The following MDGA2 variants were observed in gnomAD, a reference collection of about 807,000 sequenced individuals.
MDGA2 encodes MAM domain-containing glycosylphosphatidylinositol anchor protein 2.
MDGA2 carries 40 observed loss-of-function variants against 117.8 expected under a neutral mutation model. The observed-to-expected ratio is 0.34, with a 90% CI of 0.26 to 0.44. The LOEUF (loss-of-function observed/expected upper bound fraction) is 0.44, where lower values mean the gene tolerates loss of function less well. Ranked by LOEUF, MDGA2 falls within the 20% of genes least tolerant of loss-of-function variation. The pLI is 1.00. For synonymous variants in MDGA2, 452 were observed against 439.0 expected, an observed-to-expected ratio of 1.03 and a Z score of -0.37; for missense variants, 1,123 against 1,250.6, an observed-to-expected ratio of 0.90 and a Z score of 1.54.
At chr14:47,591,177 A>T (rs1263679143) in intron 1 of MDGA2, among the ~76,000 whole-genome samples, 1 of 152,060 alleles carries the variant, frequency 6.6e-6, no homozygotes, top group Non-Finnish European at 1.5e-5. Context: ...CTTACGGCAA[A>T]AGAAAACCGC....
intron 8 of MDGA2, among the ~76,000 whole-genome samples, chr14:46,967,043 T>TGACAGCATGAATAA (rs1886063300): frequency 7.1e-6 from 1 of 140,218 alleles, no homozygotes. Flanking sequence ...GCAATTTTTT[T>TGACAGCATGAATAA]AATTTTAAAA....
intron 1 of MDGA2, among the ~76,000 whole-genome samples, chr14:47,352,286 C>G (rs2138350778): frequency 6.6e-6 from 1 of 152,282 alleles, no homozygotes; most frequent in Non-Finnish European, 1.5e-5. Context: ...TTCATGAAAA[C>G]ACACGTGCTC....
chr14:47,587,424 T>A (rs999281019), intron 1 of MDGA2, among the ~76,000 whole-genome samples: 2 of 151,942 alleles, frequency 1.3e-5, no homozygotes, highest in African/African-American at 4.8e-5. Context: ...GCTATTCCTG[T>A]TGGCTTCACT....
intron 3 of MDGA2, among the ~76,000 whole-genome samples, chr14:47,148,008 G>T (rs1425999563): frequency 1.3e-5 from 2 of 152,058 alleles, no homozygotes; most frequent in Non-Finnish European, 2.9e-5. Context: ...AGAATACCGA[G>T]AAATGACTCA....
intron 3 of MDGA2, among the ~76,000 whole-genome samples, chr14:47,185,906 T>A (rs1319156687): frequency 6.6e-6 from 1 of 151,524 alleles, no homozygotes; most frequent in Non-Finnish European, 1.5e-5. Flanking sequence ...AGATGACAAA[T>A]CAATGCAGAC....
At chr14:46,865,385 G>A (rs1000056521) in intron 14 of MDGA2, among the ~76,000 whole-genome samples, 16 of 151,940 alleles carry the variant, frequency 1.1e-4, no homozygotes, top group Admixed American at 9.8e-4. Flanking sequence ...TTGATGGGAC[G>A]TATCTCAAAA....
chr14:46,903,525 T>A (rs934428994), intron 10 of MDGA2, among the ~76,000 whole-genome samples: 5 of 152,202 alleles, frequency 3.3e-5, no homozygotes, highest in Admixed American at 6.5e-5. Context: ...ATACTTGACT[T>A]CAGAGAATGT....
chr14:46,994,364 A>G (rs1457099600), intron 8 of MDGA2, among the ~76,000 whole-genome samples: 1 of 152,148 alleles, frequency 6.6e-6, no homozygotes, highest in Non-Finnish European at 1.5e-5. Flanking sequence ...CAAGTTATCA[A>G]ACCTAACAGT....
intron 1 of MDGA2, among the ~76,000 whole-genome samples, chr14:47,326,535 T>C (rs1890148239): frequency 6.6e-6 from 1 of 152,136 alleles, no homozygotes; most frequent in Non-Finnish European, 1.5e-5. Flanking sequence ...AAAGTTACTT[T>C]CACCTCTTAT....
At chr14:47,068,508 T>C (rs909560388) in intron 6 of MDGA2, among the ~76,000 whole-genome samples, 1 of 151,464 alleles carries the variant, frequency 6.6e-6, no homozygotes, top group African/African-American at 2.4e-5. Flanking sequence ...ATGTAAATGG[T>C]ATCTGAATTA....
intron 8 of MDGA2, among the ~76,000 whole-genome samples, chr14:47,018,918 C>T (rs1012101778): frequency 6.6e-6 from 1 of 152,044 alleles, no homozygotes; most frequent in Non-Finnish European, 1.5e-5. Context: ...GTACACCGTC[C>T]GTCCTCTGTG....
chr14:47,007,313 G>A (rs1273499586), intron 8 of MDGA2, among the ~76,000 whole-genome samples: 1 of 151,738 alleles, frequency 6.6e-6, no homozygotes, highest in East Asian at 1.9e-4. Context: ...ATAAATTGCT[G>A]CCCTACAATT....
At chr14:47,248,727 A>C (rs964397658) in intron 2 of MDGA2, among the ~76,000 whole-genome samples, 1 of 152,174 alleles carries the variant, frequency 6.6e-6, no homozygotes, top group Non-Finnish European at 1.5e-5. Flanking sequence ...CTAGAAAACA[A>C]AAACAGTTTG....
intron 8 of MDGA2, among the ~76,000 whole-genome samples, chr14:47,010,604 G>C (rs971590478): frequency 6.6e-6 from 1 of 151,510 alleles, no homozygotes; most frequent in Non-Finnish European, 1.5e-5. Flanking sequence ...AACATTTAGG[G>C]GAGTCATTAA....
chr14:47,051,841 G>C (rs897574901), intron 7 of MDGA2, among the ~76,000 whole-genome samples: 7 of 151,834 alleles, frequency 4.6e-5, no homozygotes, highest in Non-Finnish European at 8.8e-5. Context: ...TGAATGGTAG[G>C]TTAGTAGTGT....
intron 6 of MDGA2, among the ~76,000 whole-genome samples, chr14:47,084,551 T>G (rs1890827515): frequency 6.6e-6 from 1 of 151,748 alleles, no homozygotes; most frequent in Non-Finnish European, 1.5e-5. Context: ...ATAAAAGTAA[T>G]TCAGTGTTAT....
At chr14:47,148,482 TCTATCGCTCTATTA>T (rs1339664877) in intron 3 of MDGA2, among the ~76,000 whole-genome samples, 1 of 152,160 alleles carries the variant, frequency 6.6e-6, no homozygotes, top group East Asian at 1.9e-4. Flanking sequence ...AAAAGGCCAT[TCTATCGCTCTATTA>T]AGTTGGCATT....
At chr14:47,204,420 GAAAAACTAAAATCTTCTCTGTC>G (rs1358198742) in intron 3 of MDGA2, among the ~76,000 whole-genome samples, 1 of 151,882 alleles carries the variant, frequency 6.6e-6, no homozygotes, top group African/African-American at 2.4e-5. Flanking sequence ...AAATAGAAGT[GAAAAACTAAAATCTTCTCTGTC>G]AAAAGGTTAA....
chr14:47,287,267 G>A (rs10483583), intron 2 of MDGA2, among the ~76,000 whole-genome samples: 1 of 151,858 alleles, frequency 6.6e-6, no homozygotes, highest in East Asian at 1.9e-4. Flanking sequence ...TGACAAATAA[G>A]GTGTTTACTT....
Sources: gnomAD v4.1 joint callset for allele counts (sites outside exome capture counted in the v4.1 genomes callset) on GRCh38, gnomAD v4.1.1 for gene constraint, MANE v1.5 for transcripts, NCBI Gene and HGNC (gene_info 2026-07-23, HGNC 2026-07-21) for gene names.